TRAF5: variants seen among roughly 807,000 people sequenced by gnomAD.
The protein encoded by TRAF5 is TNF receptor associated factor 5.
Under a neutral mutation model 64.5 loss-of-function variants are expected in TRAF5, and 48 were observed. The observed-to-expected ratio is 0.74, with a 90% confidence interval of 0.59 to 0.95. The LOEUF (loss-of-function observed/expected upper bound fraction) is 0.95, where lower values mean the gene tolerates loss of function less well. Ranked by LOEUF, TRAF5 falls within the 40% of genes least tolerant of loss-of-function variation. TRAF5 has a pLI of 0.00. For synonymous variants in TRAF5, 206 were observed against 240.5 expected (o/e 0.86, Z 1.33); for missense variants, 545 against 662.8 (o/e 0.82, Z 1.95).
chr1:211,372,640 A>C lies in TRAF5; in HGVS notation c.1612A>C (p.Ile538Leu). ...SVLENAKNAY[I>L]KDDTLFLKVA... The stretch of plus-strand genomic sequence containing the variant: ...TTTGGAGAATGCCAAGAACGCCTAC[A>C]TTAAAGATGACACTCTGTTCTTGAA... The change falls in exon 11 of 11, where the codon ATT becomes CTT. Residue 538 changes from isoleucine to leucine, a missense_variant. Coordinates refer to ENST00000261464, the MANE Select transcript of TRAF5 (RefSeq NM_001033910.3). 4 of 1,614,214 alleles carry C rather than the reference A, an allele frequency of 2.5e-6. No homozygotes were observed. The highest frequency in any genetic ancestry group is 3.4e-6 in the Non-Finnish European group (4 of 1,180,038).
chr1:211,373,379 A>C lies in TRAF5; in HGVS notation c.*677A>C, dbSNP rs1393570711. 1 of 152,180 alleles carries C rather than the reference A, an allele frequency of 6.6e-6. No homozygotes were observed. Among genetic ancestry groups the C allele is most frequent in the African/African-American group, 2.4e-5 (1 of 41,438 alleles). 9.4% of individuals were successfully genotyped at this position (152,180 alleles called of 1,614,324 possible). ...CAGAAAGTACTGCATAGTATATGAG[A>C]TATAGCCAGCTAGCTAAAGTTCAGA... On this transcript the variant is annotated 3_prime_UTR_variant, in exon 11 of 11. Transcript: ENST00000261464.
At chr1:211,344,140 C>T (rs1702522620) in intron 1 of TRAF5, among the ~76,000 whole-genome samples, 1 of 152,132 alleles carries the variant, frequency 6.6e-6, no homozygotes, top group African/African-American at 2.4e-5. Context: ...TGACTTGAGG[C>T]AGCAGCAGCT....
intron 3 of TRAF5, among the ~76,000 whole-genome samples, 200 bp from the exon 4 acceptor site, chr1:211,356,167 G>A (rs916059534): frequency 6.6e-6 from 1 of 152,180 alleles, no homozygotes; most frequent in African/African-American, 2.4e-5. Flanking sequence ...TGGCTTGTAT[G>A]TTTAATGGTT....
At chr1:211,326,799 C>A (rs1455656994), upstream of TRAF5, 1 of 984,180 alleles carries the variant, frequency 1.0e-6, no homozygotes, top group East Asian at 1.1e-4. The surrounding 1 kb of genome is among the most constrained non-coding windows in gnomAD (Gnocchi z 5.0). Context: ...CCCCAGGCCT[C>A]GCCTCCGCTT....
At chr1:211,361,223 C>A in intron 7 of TRAF5, 61 bp downstream of exon 7, 1 of 1,451,356 alleles carries the variant, frequency 6.9e-7, no homozygotes, top group South Asian at 1.1e-5. Flanking sequence ...TTGGCAAGTT[C>A]AGTTTACTCT....
At chr1:211,371,799 G>A (rs1381973451) in intron 10 of TRAF5, among the ~76,000 whole-genome samples, 2 of 152,210 alleles carry the variant, frequency 1.3e-5, no homozygotes, top group Non-Finnish European at 2.9e-5. Flanking sequence ...TTTAGGTATG[G>A]AAAAATATTA....
At position 211,372,535 on chromosome 1, in the gene TRAF5, C is replaced by A. The variant is rs1340336798; in HGVS notation, c.1507C>A (p.Pro503Thr). 6.2e-7 allele frequency: 1 copy of A among 1,614,054 alleles called. No individual in the cohort carries two copies. Among genetic ancestry groups the A allele is most frequent in the African/African-American group, 1.3e-5 (1 of 74,912 alleles). Reference sequence around the variant, plus strand: ...CATTATGGAGACCTTCAAACCTGACCCCAATAGCAGCAGCTTTAAAAGACC... The same window carrying A: ...CATTATGGAGACCTTCAAACCTGACACCAATAGCAGCAGCTTTAAAAGACC... The part of the protein sequence containing the change: ...KNIMETFKPD[P>T]NSSSFKRPDG... Residue 503 changes from proline to threonine, a missense_variant, in exon 11 of 11, where the codon CCC (proline) becomes ACC (threonine). Pro to Thr is a conservative substitution (Grantham distance 38). Coordinates refer to ENST00000261464, the MANE Select transcript of TRAF5 (RefSeq NM_001033910.3).
chr1:211,360,400 A>G (rs911795583), intron 5 of TRAF5: 11 of 489,010 alleles, frequency 2.2e-5, no homozygotes, highest in Non-Finnish European at 4.0e-5. Flanking sequence ...GGATGCAGGC[A>G]TAAAAAGAAA....
chr1:211,349,409 A>G (rs1702713889), intron 1 of TRAF5, among the ~76,000 whole-genome samples: 1 of 152,264 alleles, frequency 6.6e-6, no homozygotes, highest in Non-Finnish European at 1.5e-5. Flanking sequence ...TTATTGCTGC[A>G]TCCTCCAGAG....
intron 1 of TRAF5, among the ~76,000 whole-genome samples, chr1:211,341,648 G>A (rs1466366364): frequency 6.6e-6 from 1 of 152,170 alleles, no homozygotes; most frequent in Non-Finnish European, 1.5e-5. Flanking sequence ...TTGCTCTGGA[G>A]CTGGGAATGG....
chr1:211,356,344 G>A (rs1702964500), intron 3 of TRAF5, 23 bp from the exon 4 acceptor site: 1 of 1,588,256 alleles, frequency 6.3e-7, no homozygotes. Context: ...AAGTGTGTGA[G>A]ACCTATTATG....
intron 2 of TRAF5, 22 bp downstream of exon 2, chr1:211,353,479 C>T (rs867946748): frequency 6.2e-7 from 1 of 1,602,532 alleles, no homozygotes; most frequent in South Asian, 1.1e-5. Flanking sequence ...GGGCCTGCAA[C>T]TCTGGCCATG....
At chr1:211,365,507 G>A in intron 8 of TRAF5, 39 bp downstream of exon 8, 1 of 1,525,066 alleles carries the variant, frequency 6.6e-7, no homozygotes, top group South Asian at 1.2e-5. Flanking sequence ...TGAGGCAACA[G>A]AATTGCTGGG....
intron 1 of TRAF5, among the ~76,000 whole-genome samples, chr1:211,345,365 C>CT (rs1254689510): frequency 6.6e-6 from 1 of 151,902 alleles, no homozygotes; most frequent in East Asian, 1.9e-4. Flanking sequence ...CTGCGCTCCC[C>CT]CCCCCTCCTT....
chr1:211,346,551 A>G (rs749846706), intron 1 of TRAF5: 61 of 474,250 alleles, frequency 1.3e-4, no homozygotes, highest in Non-Finnish European at 1.6e-4. Context: ...TTGTGGACTT[A>G]TGTCTTATGC....
intron 1 of TRAF5, among the ~76,000 whole-genome samples, chr1:211,329,857 C>T (rs938396786): frequency 1.3e-5 from 2 of 152,194 alleles, no homozygotes; most frequent in Non-Finnish European, 2.9e-5. Flanking sequence ...TCAGAGCTGG[C>T]AGGCCTCTGC....
At chr1:211,331,179 A>G (rs188424591) in intron 1 of TRAF5, among the ~76,000 whole-genome samples, 2 of 152,264 alleles carry the variant, frequency 1.3e-5, no homozygotes, top group East Asian at 3.9e-4. Context: ...GGCAACCTTA[A>G]TTAAGCATTG....
intron 1 of TRAF5, among the ~76,000 whole-genome samples, chr1:211,348,831 A>G (rs1300513847): frequency 6.6e-6 from 1 of 151,958 alleles, no homozygotes. Context: ...TATATTCTTT[A>G]TAATCAAGTA....
intron 9 of TRAF5, among the ~76,000 whole-genome samples, chr1:211,370,691 T>C (rs1025078682): frequency 2.0e-5 from 3 of 152,216 alleles, no homozygotes; most frequent in Admixed American, 2.0e-4. Flanking sequence ...TGTAATAAAG[T>C]ATTGAATTCC....
Sources: gnomAD v4.1 joint callset for allele counts (sites outside exome capture counted in the v4.1 genomes callset) on GRCh38, gnomAD v4.1.1 for gene constraint, Gnocchi (gnomAD v3.1) non-coding constraint, MANE v1.5 for transcripts, NCBI Gene and HGNC (gene_info 2026-07-23, HGNC 2026-07-21) for gene names.